Variants in ARNT2 observed in about 807,000 individuals in gnomAD.
ARNT2 encodes ARNT protein 2.
Under a neutral mutation model 91.7 loss-of-function variants are expected in ARNT2, and 36 were observed. The ratio of observed to expected loss-of-function variants is 0.39; its 90% CI spans 0.30 to 0.52. ARNT2 has a LOEUF of 0.52. Ranked by LOEUF, ARNT2 falls within the 20% of genes least tolerant of loss-of-function variation. The pLI is 0.72. For synonymous variants in ARNT2, 365 were observed against 347.1 expected (o/e 1.05, Z -0.57); for missense variants, 775 against 939.3 (o/e 0.83, Z 2.29).
chr15:80,557,778 C>T (rs907377699), intron 11 of ARNT2, among the ~76,000 whole-genome samples: 1 of 152,150 alleles, frequency 6.6e-6, no homozygotes, highest in Non-Finnish European at 1.5e-5. Flanking sequence ...TCCTACCCCC[C>T]TGAACCAGAT....
At chr15:80,541,474 C>T (rs1011277671) in intron 8 of ARNT2, among the ~76,000 whole-genome samples, 3 of 152,102 alleles carry the variant, frequency 2.0e-5, no homozygotes, top group African/African-American at 7.2e-5. Flanking sequence ...ATTTGCTTTG[C>T]AGAAACTCTT....
At chr15:80,457,084 C>A (rs532468906) in intron 2 of ARNT2, among the ~76,000 whole-genome samples, 2 of 152,184 alleles carry the variant, frequency 1.3e-5, no homozygotes, top group South Asian at 2.1e-4. Context: ...CACTTGACAC[C>A]AATTAAGTAC....
intron 16 of ARNT2, 57 bp downstream of exon 16, chr15:80,580,606 G>C: frequency 6.2e-7 from 1 of 1,609,074 alleles, no homozygotes; most frequent in African/African-American, 1.3e-5. Flanking sequence ...GAGCACTCTG[G>C]GAAGTGTTTT....
intron 12 of ARNT2, among the ~76,000 whole-genome samples, chr15:80,566,810 T>C (rs1372356333): frequency 6.6e-6 from 1 of 152,238 alleles, no homozygotes; most frequent in East Asian, 1.9e-4. Context: ...TTTTTTTACC[T>C]TTGCCTTCTA....
chr15:80,510,791 G>T (rs112812822), intron 6 of ARNT2, among the ~76,000 whole-genome samples: 2 of 151,930 alleles, frequency 1.3e-5, no homozygotes, highest in Admixed American at 6.6e-5. Flanking sequence ...ATCATGCCAC[G>T]CACTCCAGCC....
intron 1 of ARNT2, among the ~76,000 whole-genome samples, chr15:80,445,669 C>T (rs1241086032): frequency 6.6e-6 from 1 of 151,914 alleles, no homozygotes; most frequent in Admixed American, 6.5e-5. Context: ...CACAGGGAGA[C>T]CCGAGTGGGG....
At chr15:80,560,336 G>A (rs1013372929) in intron 11 of ARNT2, among the ~76,000 whole-genome samples, 2 of 152,140 alleles carry the variant, frequency 1.3e-5, no homozygotes, top group African/African-American at 4.8e-5. Flanking sequence ...TAAGGCTTTA[G>A]GCAACATATT....
chr15:80,425,964 G>A (rs932722558), intron 1 of ARNT2, among the ~76,000 whole-genome samples: 1 of 152,076 alleles, frequency 6.6e-6, no homozygotes, highest in Admixed American at 6.6e-5. Context: ...AGGGGGCTGA[G>A]GTAGAAGGAT....
chr15:80,517,556 T>C (rs577729847), intron 8 of ARNT2, among the ~76,000 whole-genome samples: 1 of 152,192 alleles, frequency 6.6e-6, no homozygotes, highest in South Asian at 2.1e-4. Flanking sequence ...CTCCATTTTC[T>C]CTTTCTTCTC....
intron 8 of ARNT2, among the ~76,000 whole-genome samples, chr15:80,527,904 T>C (rs1178486810): frequency 2.0e-5 from 3 of 152,106 alleles, no homozygotes; most frequent in African/African-American, 7.2e-5. Flanking sequence ...GAGGGGGCCT[T>C]GTGTGCTAAG....
intron 8 of ARNT2, among the ~76,000 whole-genome samples, chr15:80,533,610 A>T (rs1197844987): frequency 6.6e-6 from 1 of 152,238 alleles, no homozygotes; most frequent in Non-Finnish European, 1.5e-5. Context: ...AAGCCAGCCA[A>T]TGAAGCATGT....
chr15:80,584,807 C>G (rs544363133), intron 17 of ARNT2, among the ~76,000 whole-genome samples: 1 of 152,312 alleles, frequency 6.6e-6, no homozygotes, highest in Non-Finnish European at 1.5e-5. Context: ...ATGGCCAGAG[C>G]CCAGAGAGAT....
chr15:80,593,788 G>A lies in ARNT2; in HGVS notation c.*90G>A. The A allele has an allele frequency of 8.0e-7, 1 of 1,244,714 alleles. No individual in the cohort carries two copies. The highest frequency in any genetic ancestry group is 2.1e-5 in the Admixed American group (1 of 48,774). 77.1% of individuals were successfully genotyped at this position (1,244,714 alleles called of 1,614,324 possible). The stretch of plus-strand genomic sequence containing the variant: ...AATGAGGCCCACCCTCGCCCTGCTT[G>A]CCCTGCCGCAGGCCCCCCACCAGAA... On this transcript the variant is annotated 3_prime_UTR_variant, in exon 19 of 19. Coordinates refer to ENST00000303329, the MANE Select transcript of ARNT2 (RefSeq NM_014862.4).
At chr15:80,458,630 G>A (rs1034779963) in intron 3 of ARNT2, among the ~76,000 whole-genome samples, 2 of 151,852 alleles carry the variant, frequency 1.3e-5, no homozygotes, top group African/African-American at 2.4e-5. Context: ...CATTGCATAC[G>A]TGAAGGATAA....
chr15:80,476,783 C>G (rs974991926), intron 5 of ARNT2, among the ~76,000 whole-genome samples: 1 of 152,166 alleles, frequency 6.6e-6, no homozygotes, highest in African/African-American at 2.4e-5. Flanking sequence ...ATTTGGGCTG[C>G]TATAACAAAA....
At chr15:80,514,631 A>G (rs1360196428) in intron 8 of ARNT2, among the ~76,000 whole-genome samples, 1 of 152,244 alleles carries the variant, frequency 6.6e-6, no homozygotes, top group African/African-American at 2.4e-5. Context: ...TCACGCCTGT[A>G]ATCCCAGCAC....
rs201042855 is a variant in ARNT2, at chr15:80,508,141, T to TTC, written c.623-5_623-4dup. 1.0e-3 allele frequency: 1,624 copies of TTC among 1,612,494 alleles called. 12 individuals are homozygous for TTC. In the African/African-American group the frequency reaches 0.02, roughly 20 times the overall value. On this transcript the variant is annotated splice_polypyrimidine_tract_variant and intron_variant, in intron 5 of 18. Transcript: ENST00000303329. ...AAGGCAGAGGCTTACGTAACTGTCCTTCTCTCTCTCTTAGGCCGGATCTTG... is the reference window on the plus strand; with the variant it reads ...AAGGCAGAGGCTTACGTAACTGTCCTTCTCTCTCTCTCTTAGGCCGGATCTTG...
chr15:80,506,226 G>A lies in ARNT2; in HGVS notation c.623-1930G>A, dbSNP rs140366225. Among the ~76,000 whole-genome samples, 733 of 152,278 alleles carry A rather than the reference G, an allele frequency of 4.8e-3. 34 individuals carry two copies. In the East Asian group the frequency reaches 0.11, roughly 23 times the overall value. On this transcript the variant is annotated intron_variant, in intron 5 of 18. Coordinates refer to ENST00000303329, the MANE Select transcript of ARNT2 (RefSeq NM_014862.4). ...GCTGGGATTACAGGCGTGAGCCACCGCGCCCGGCCCCAACATTTGTTAAAA... is the reference window on the plus strand; with the variant it reads ...GCTGGGATTACAGGCGTGAGCCACCACGCCCGGCCCCAACATTTGTTAAAA...
chr15:80,554,888 C>A, intron 10 of ARNT2, 177 bp from the exon 11 acceptor site: 1 of 574,282 alleles, frequency 1.7e-6, no homozygotes, highest in Non-Finnish European at 3.1e-6. Flanking sequence ...TACCAAGAAG[C>A]CAGTTCTCTG....
Sources: allele counts gnomAD v4.1 joint callset (sites outside exome capture counted in the v4.1 genomes callset), GRCh38; gene constraint gnomAD v4.1.1; transcripts MANE v1.5; gene names NCBI Gene and HGNC (gene_info 2026-07-23, HGNC 2026-07-21).